Variants in UNC5D observed in about 807,000 individuals in gnomAD.
The protein encoded by UNC5D is netrin receptor UNC5D.
In UNC5D, 39 loss-of-function variants were observed where a neutral mutation model predicts 105.4. That is an observed-to-expected ratio of 0.37 (90% CI 0.29 to 0.48). The LOEUF (loss-of-function observed/expected upper bound fraction) is 0.48, where lower values mean the gene tolerates loss of function less well. UNC5D is among the 20% of genes least tolerant of loss of function. The pLI is 0.98. For synonymous variants in UNC5D, 452 were observed against 450.4 expected (o/e 1.00, Z -0.04); for missense variants, 991 against 1,202.4 (o/e 0.82, Z 2.60).
chr8:35,260,869 G>A (rs2128821498), intron 1 of UNC5D, among the ~76,000 whole-genome samples: 1 of 152,238 alleles, frequency 6.6e-6, no homozygotes. Flanking sequence ...TACAGGCTGA[G>A]GATTAGCTCC....
intron 1 of UNC5D, among the ~76,000 whole-genome samples, chr8:35,241,940 G>A (rs1433335255): frequency 6.6e-6 from 1 of 151,974 alleles, no homozygotes; most frequent in Non-Finnish European, 1.5e-5. Flanking sequence ...TCTATTAAGT[G>A]GTATATTTGT....
At chr8:35,564,039 A>G (rs1230469941) in intron 2 of UNC5D, among the ~76,000 whole-genome samples, 1 of 152,154 alleles carries the variant, frequency 6.6e-6, no homozygotes, top group African/African-American at 2.4e-5. Context: ...ATCTGTGTTC[A>G]TCAACTATAT....
At chr8:35,485,468 A>G (rs1810763632) in intron 1 of UNC5D, among the ~76,000 whole-genome samples, 1 of 152,144 alleles carries the variant, frequency 6.6e-6, no homozygotes, top group Non-Finnish European at 1.5e-5. Context: ...AATCTCCATA[A>G]CATTTTTAGA....
chr8:35,447,606 A>T (rs74766405), intron 1 of UNC5D, among the ~76,000 whole-genome samples: 1 of 152,078 alleles, frequency 6.6e-6, no homozygotes. Flanking sequence ...ACTAAAGTAA[A>T]ATTTAAAGTG....
At chr8:35,650,354 G>A (rs2131177406) in intron 4 of UNC5D, among the ~76,000 whole-genome samples, 1 of 152,224 alleles carries the variant, frequency 6.6e-6, no homozygotes. Context: ...CCTTAGCCCT[G>A]AAGCAGTTTC....
At chr8:35,726,970 C>A in intron 10 of UNC5D, 1 of 183,478 alleles carries the variant, frequency 5.5e-6, no homozygotes, top group Non-Finnish European at 1.2e-5. Flanking sequence ...AGTAACTGAC[C>A]TAATGAACAC....
chr8:35,433,110 T>C (rs771231212), intron 1 of UNC5D, among the ~76,000 whole-genome samples: 59 of 152,300 alleles, frequency 3.9e-4, no homozygotes, highest in Non-Finnish European at 7.6e-4. Context: ...AGCTAACACA[T>C]TTATTTTCAT....
chr8:35,354,194 T>C (rs1338690958), intron 1 of UNC5D, among the ~76,000 whole-genome samples: 1 of 152,162 alleles, frequency 6.6e-6, no homozygotes, highest in Non-Finnish European at 1.5e-5. Flanking sequence ...AGTGTTAATC[T>C]GGGGTTCCAG....
intron 1 of UNC5D, among the ~76,000 whole-genome samples, chr8:35,421,891 CAG>C (rs746949334): frequency 2.0e-5 from 3 of 152,174 alleles, no homozygotes; most frequent in Non-Finnish European, 4.4e-5. Flanking sequence ...ACCTATTCTA[CAG>C]TGGGCTTTTC....
intron 1 of UNC5D, among the ~76,000 whole-genome samples, chr8:35,373,715 G>C (rs192979692): frequency 6.6e-6 from 1 of 152,312 alleles, no homozygotes; most frequent in Non-Finnish European, 1.5e-5. Flanking sequence ...GCTGAGAGAA[G>C]AGATTAGAGT....
chr8:35,363,580 G>T (rs772179951), intron 1 of UNC5D, among the ~76,000 whole-genome samples: 1 of 152,128 alleles, frequency 6.6e-6, no homozygotes, highest in African/African-American at 2.4e-5. Flanking sequence ...GCATAGCACA[G>T]ATATGATGTT....
intron 4 of UNC5D, among the ~76,000 whole-genome samples, chr8:35,675,038 A>T (rs894495866): frequency 1.3e-5 from 2 of 152,118 alleles, no homozygotes; most frequent in African/African-American, 4.8e-5. Flanking sequence ...GACGTTTTTT[A>T]CTATAGTGTG....
chr8:35,367,945 GTCTC>G (rs1585681954), intron 1 of UNC5D, among the ~76,000 whole-genome samples: 1 of 152,098 alleles, frequency 6.6e-6, no homozygotes, highest in Non-Finnish European at 1.5e-5. Context: ...TTCTCTATAT[GTCTC>G]TCTATTTTTA....
At chr8:35,490,959 A>T (rs1811175182) in intron 1 of UNC5D, among the ~76,000 whole-genome samples, 1 of 150,788 alleles carries the variant, frequency 6.6e-6, no homozygotes, top group African/African-American at 2.4e-5. Context: ...CCTTTTCATC[A>T]TTCCTAGTTT....
intron 1 of UNC5D, chr8:35,544,317 G>C (rs1190128511): frequency 1.4e-6 from 2 of 1,453,976 alleles, no homozygotes; most frequent in African/African-American, 1.4e-5. Flanking sequence ...TGCTGGCTTT[G>C]TGTAAGAAGG....
intron 1 of UNC5D, among the ~76,000 whole-genome samples, chr8:35,509,105 C>T (rs1046493486): frequency 6.6e-6 from 1 of 151,884 alleles, no homozygotes; most frequent in Non-Finnish European, 1.5e-5. Context: ...ATTGTGTGCC[C>T]GGGGGGCCAA....
At chr8:35,337,286 A>C (rs1020113497) in intron 1 of UNC5D, among the ~76,000 whole-genome samples, 1 of 152,106 alleles carries the variant, frequency 6.6e-6, no homozygotes, top group Admixed American at 6.6e-5. Flanking sequence ...AGTTTCCAAG[A>C]TTGTTGCAAA....
Position 35,790,619 on chromosome 8 carries a change from T to C in UNC5D, c.*56T>C, listed in dbSNP as rs1439639070. 10 of 1,596,750 alleles carry C rather than the reference T, an allele frequency of 6.3e-6. No individual in the cohort carries two copies. The East Asian group carries it at 9.0e-5, about 14-fold the overall frequency. ...CCAGCTTGGGGACATTTGCTTTAAATGGGAAAGAGGCCGCTTTCTGCCCAG... is the reference window on the plus strand; with the variant it reads ...CCAGCTTGGGGACATTTGCTTTAAACGGGAAAGAGGCCGCTTTCTGCCCAG... On this transcript the variant is annotated 3_prime_UTR_variant, in exon 17 of 17. Transcript: ENST00000404895.
intron 16 of UNC5D, among the ~76,000 whole-genome samples, chr8:35,789,137 CTATA>C (rs58201859): frequency 0.015 from 471 of 32,190 alleles, 3 homozygotes; most frequent in Non-Finnish European, 0.023. Context: ...GGAGAAAAGA[CTATA>C]TATATATATA....
Sources: allele counts gnomAD v4.1 joint callset (sites outside exome capture counted in the v4.1 genomes callset), GRCh38; gene constraint gnomAD v4.1.1; transcripts MANE v1.5; gene names NCBI Gene and HGNC (gene_info 2026-07-23, HGNC 2026-07-21).